Variants in HMGB1 observed in about 807,000 individuals in gnomAD.
HMGB1 encodes the protein high mobility group protein B1.
For missense variants in HMGB1, 79 were observed against 253.5 expected, an observed-to-expected ratio of 0.31 and a Z score of 4.67; for synonymous variants, 81 against 84.0, an observed-to-expected ratio of 0.96 and a Z score of 0.19.
intron 1 of HMGB1, among the ~76,000 whole-genome samples, chr13:30,595,312 A>G (rs575144645): frequency 6.2e-4 from 95 of 152,298 alleles, no homozygotes; most frequent in Middle Eastern, 3.4e-3. Context: ...ACCTTTCCAA[A>G]CAGAAGCAAT....
At chr13:30,494,112 C>T (rs1300620944) in intron 1 of HMGB1, among the ~76,000 whole-genome samples, 1 of 152,144 alleles carries the variant, frequency 6.6e-6, no homozygotes, top group African/African-American at 2.4e-5. Flanking sequence ...TGGCAGGCCA[C>T]TCAAACTTCA....
chr13:30,487,068 A>C (rs1887381485), intron 1 of HMGB1, among the ~76,000 whole-genome samples: 1 of 152,204 alleles, frequency 6.6e-6, no homozygotes, highest in Non-Finnish European at 1.5e-5. Flanking sequence ...TGATAGGGAG[A>C]GACCTGAGCC....
At chr13:30,606,850 C>T (rs1251556164) in intron 1 of HMGB1, among the ~76,000 whole-genome samples, 1 of 152,230 alleles carries the variant, frequency 6.6e-6, no homozygotes, top group Non-Finnish European at 1.5e-5. Flanking sequence ...CTGCCACAAT[C>T]TTCAAGTGAT....
intron 1 of HMGB1, among the ~76,000 whole-genome samples, chr13:30,579,135 A>G (rs1870790568): frequency 6.6e-6 from 1 of 152,220 alleles, no homozygotes; most frequent in Admixed American, 6.5e-5. Flanking sequence ...AACACTTGAT[A>G]TGTTTGTAAT....
chr13:30,526,622 T>C (rs910377320), intron 1 of HMGB1, among the ~76,000 whole-genome samples: 11 of 152,180 alleles, frequency 7.2e-5, no homozygotes, highest in African/African-American at 2.7e-4. Context: ...CATAGGGCTA[T>C]TGGGACATGA....
intron 1 of HMGB1, among the ~76,000 whole-genome samples, chr13:30,484,993 G>C (rs1249756802): frequency 6.6e-6 from 1 of 151,814 alleles, no homozygotes; most frequent in African/African-American, 2.4e-5. Context: ...ATATAGCAAA[G>C]AGTGAAGCAT....
At chr13:30,474,759 C>CTTTTTTTTTT (rs549499620) in intron 1 of HMGB1, among the ~76,000 whole-genome samples, 2 of 92,822 alleles carry the variant, frequency 2.2e-5, no homozygotes, top group African/African-American at 4.6e-5. Flanking sequence ...TCTCTCTCTC[C>CTTTTTTTTTT]TTTTTTTTTT....
At chr13:30,490,768 A>T (rs1053715113) in intron 1 of HMGB1, among the ~76,000 whole-genome samples, 1 of 152,092 alleles carries the variant, frequency 6.6e-6, no homozygotes. Context: ...GGGCGACAGA[A>T]TAAGACCCTG....
At chr13:30,494,380 A>C (rs1163702816) in intron 1 of HMGB1, among the ~76,000 whole-genome samples, 1 of 150,840 alleles carries the variant, frequency 6.6e-6, no homozygotes, top group Non-Finnish European at 1.5e-5. Flanking sequence ...TTTTTTTTTG[A>C]GATGGAGTTT....
At chr13:30,521,608 C>T (rs1326916995) in intron 1 of HMGB1, among the ~76,000 whole-genome samples, 1 of 152,142 alleles carries the variant, frequency 6.6e-6, no homozygotes, top group African/African-American at 2.4e-5. Flanking sequence ...TTTATTTATT[C>T]ACTCATCAGT....
chr13:30,503,595 A>C (rs1887784797), intron 1 of HMGB1, among the ~76,000 whole-genome samples: 1 of 146,202 alleles, frequency 6.8e-6, no homozygotes, highest in Non-Finnish European at 1.5e-5. Context: ...AGCCATCTTC[A>C]TTTGCGGCTG....
At chr13:30,471,959 C>T (rs888983846) in intron 1 of HMGB1, among the ~76,000 whole-genome samples, 4 of 151,062 alleles carry the variant, frequency 2.6e-5, no homozygotes, top group East Asian at 2.0e-4. Context: ...TGAGCCACCG[C>T]GGCTGGCCAC....
At chr13:30,591,321 C>A (rs1320227487) in intron 1 of HMGB1, among the ~76,000 whole-genome samples, 3 of 152,008 alleles carry the variant, frequency 2.0e-5, no homozygotes, top group Non-Finnish European at 2.9e-5. Context: ...TGTGAACCAT[C>A]GCGCCTGGCC....
intron 1 of HMGB1, among the ~76,000 whole-genome samples, chr13:30,484,757 G>C (rs886747210): frequency 4.5e-5 from 6 of 133,078 alleles, no homozygotes; most frequent in Admixed American, 1.5e-4. Context: ...GGAGTAGGAG[G>C]AAGAGGAAAG....
chr13:30,466,591 C>T (rs950427180), upstream of HMGB1, among the ~76,000 whole-genome samples: 1 of 152,200 alleles, frequency 6.6e-6, no homozygotes, highest in Non-Finnish European at 1.5e-5. Context: ...ACGTCAGGCT[C>T]GCTGAGCAGC....
intron 1 of HMGB1, among the ~76,000 whole-genome samples, chr13:30,545,726 T>C (rs1379010510): frequency 6.6e-6 from 1 of 152,176 alleles, no homozygotes; most frequent in Non-Finnish European, 1.5e-5. Context: ...GACAAGGTCT[T>C]ACTCTGTATC....
At chr13:30,481,820 T>C (rs937250238) in intron 1 of HMGB1, among the ~76,000 whole-genome samples, 2 of 152,118 alleles carry the variant, frequency 1.3e-5, no homozygotes, top group African/African-American at 4.8e-5. Flanking sequence ...GCCAGCTCCA[T>C]GTAGGTATTC....
At chr13:30,609,421 A>G (rs941972799) in intron 1 of HMGB1, among the ~76,000 whole-genome samples, 1 of 152,216 alleles carries the variant, frequency 6.6e-6, no homozygotes, top group Non-Finnish European at 1.5e-5. Flanking sequence ...AGTTCCCAAT[A>G]TATAGTTGAC....
intron 1 of HMGB1, among the ~76,000 whole-genome samples, chr13:30,473,262 T>C (rs1252393198): frequency 6.6e-6 from 1 of 152,206 alleles, no homozygotes; most frequent in East Asian, 1.9e-4. Flanking sequence ...CCATCAATGC[T>C]ATGGCACAGA....
Sources: allele counts gnomAD v4.1 joint callset (sites outside exome capture counted in the v4.1 genomes callset), GRCh38; gene constraint gnomAD v4.1.1; transcripts MANE v1.5; gene names NCBI Gene and HGNC (gene_info 2026-07-23, HGNC 2026-07-21).